AQP9: variants seen among roughly 807,000 people sequenced by gnomAD.
AQP9 encodes the protein aquaporin-9.
Under a neutral mutation model 23.8 loss-of-function variants are expected in AQP9, and 19 were observed. That is an observed-to-expected ratio of 0.80 (90% confidence interval 0.56 to 1.17). The LOEUF is 1.17. Among genes scored for constraint, AQP9 ranks in the 50% most tolerant of loss-of-function variants. The probability of loss-of-function intolerance (pLI) is 0.00; values close to 1 mark genes in which losing one functional copy is unlikely to be tolerated. For missense variants in AQP9, 413 were observed against 362.0 expected (o/e 1.14, Z -1.14); for synonymous variants, 153 against 131.5 (o/e 1.16, Z -1.12).
intron 1 of AQP9, among the ~76,000 whole-genome samples, chr15:58,165,311 T>C (rs1898474252): frequency 6.6e-6 from 1 of 152,204 alleles, no homozygotes; most frequent in Admixed American, 6.6e-5. Flanking sequence ...ATTTCTTCAA[T>C]GGACTGTGAT....
chr15:58,147,905 C>CACATAT (rs1898078043), intron 1 of AQP9, among the ~76,000 whole-genome samples: 1 of 152,000 alleles, frequency 6.6e-6, no homozygotes, highest in South Asian at 2.1e-4. Context: ...CACACACACA[C>CACATAT]ACATATACAT....
At chr15:58,138,367 A>G, upstream of AQP9, 1 of 476,038 alleles carries the variant, frequency 2.1e-6, no homozygotes, top group Non-Finnish European at 3.8e-6. Flanking sequence ...AGCAGCGAAC[A>G]GGGAATGACA....
intron 4 of AQP9, among the ~76,000 whole-genome samples, chr15:58,176,650 C>T (rs1898762409): frequency 6.7e-6 from 1 of 149,844 alleles, no homozygotes; most frequent in Non-Finnish European, 1.5e-5. Context: ...GAGCCTGTTG[C>T]CCCAGGCTGG....
intron 1 of AQP9, among the ~76,000 whole-genome samples, chr15:58,139,334 C>T (rs762943521): frequency 2.6e-5 from 4 of 152,100 alleles, no homozygotes; most frequent in Admixed American, 1.3e-4. Flanking sequence ...AAACGAGGGA[C>T]GACTTCTAAG....
chr15:58,175,058 A>G (rs775149759), intron 4 of AQP9, 22 bp downstream of exon 4: 2 of 1,574,252 alleles, frequency 1.3e-6, no homozygotes, highest in South Asian at 1.1e-5. Flanking sequence ...TTCAACAAAG[A>G]CTTAACTTTG....
At chr15:58,143,346 C>A (rs943733513) in intron 1 of AQP9, among the ~76,000 whole-genome samples, 1 of 152,118 alleles carries the variant, frequency 6.6e-6, no homozygotes, top group Non-Finnish European at 1.5e-5. Context: ...CAAGAGAGGG[C>A]AAAGGAGGTT....
chr15:58,176,616 CTTT>C lies in AQP9; in HGVS notation c.495+1595_495+1597del, dbSNP rs11296169. Among the ~76,000 whole-genome samples the C allele has an allele frequency of 9.7e-3, 1,316 of 135,416 alleles. 21 individuals are homozygous for C. Among genetic ancestry groups the C allele is most frequent in the African/African-American group, 0.033 (1,208 of 36,454 alleles). The allele number at this position is 135,416 out of a possible 152,430, so 88.8% of individuals were successfully genotyped here. A position where few individuals can be genotyped will look rare whatever the true frequency, so the allele number is the denominator to read the frequency against. Reference sequence around the variant, plus strand: ...GGTTATTTTGGTGTTTTTCTCTAAGCTTTTTTTTTTTTTTTTTAAGACTGAGCC... The same window carrying C: ...GGTTATTTTGGTGTTTTTCTCTAAGCTTTTTTTTTTTTTTAAGACTGAGCC... On this transcript the variant is annotated intron_variant, in intron 4 of 5. Coordinates refer to ENST00000219919, the MANE Select transcript of AQP9 (RefSeq NM_020980.5).
chr15:58,156,491 C>G (rs1898261975), intron 1 of AQP9, among the ~76,000 whole-genome samples: 1 of 152,144 alleles, frequency 6.6e-6, no homozygotes, highest in African/African-American at 2.4e-5. Context: ...ACTAAAAATC[C>G]TTAACATTAC....
chr15:58,182,803 G>A (rs1898922485), intron 5 of AQP9, among the ~76,000 whole-genome samples: 3 of 152,102 alleles, frequency 2.0e-5, no homozygotes, highest in Admixed American at 2.0e-4. Context: ...GGAGGACTTC[G>A]GAGACCACTT....
At chr15:58,180,007 C>T (rs2899619) in intron 5 of AQP9, among the ~76,000 whole-genome samples, 72,907 of 151,936 alleles carry the variant, frequency 0.48, 18,198 homozygotes, top group Admixed American at 0.6. Flanking sequence ...ACAGGACAGA[C>T]GTAAGATTGA....
At chr15:58,181,828 A>G (rs1898894799) in intron 5 of AQP9, among the ~76,000 whole-genome samples, 1 of 152,160 alleles carries the variant, frequency 6.6e-6, no homozygotes, top group Admixed American at 6.5e-5. Flanking sequence ...ACCCATTAGG[A>G]AAGAGCAGGG....
chr15:58,170,969 G>A (rs983936114), intron 2 of AQP9, among the ~76,000 whole-genome samples: 3 of 152,056 alleles, frequency 2.0e-5, no homozygotes, highest in Admixed American at 6.5e-5. Flanking sequence ...TTGTCGCCCA[G>A]GCTGGAGTGC....
intron 5 of AQP9, among the ~76,000 whole-genome samples, chr15:58,182,573 T>G (rs1461703678): frequency 1.3e-5 from 2 of 152,140 alleles, no homozygotes; most frequent in African/African-American, 4.8e-5. Context: ...TCCCTTCATG[T>G]TTTGACCTCT....
At chr15:58,183,231 TA>T (rs1432196544) in intron 5 of AQP9, among the ~76,000 whole-genome samples, 1 of 152,224 alleles carries the variant, frequency 6.6e-6, no homozygotes, top group Admixed American at 6.5e-5. Flanking sequence ...ATATACTGTA[TA>T]ATTTGTTTGC....
intron 5 of AQP9, among the ~76,000 whole-genome samples, chr15:58,180,643 A>G (rs1399604330): frequency 4.6e-5 from 7 of 152,200 alleles, no homozygotes; most frequent in African/African-American, 1.4e-4. Context: ...CAATCCAATA[A>G]ATTTCCTAGA....
Position 58,185,683 on chromosome 15 carries a change from G to A in AQP9, c.*1548G>A, listed in dbSNP as rs1242642179. The A allele has an allele frequency of 6.6e-6, 1 of 152,176 alleles. No individual in the cohort carries two copies. Among genetic ancestry groups the A allele is most frequent in the Non-Finnish European group, 1.5e-5 (1 of 68,048 alleles). 9.4% of individuals were successfully genotyped at this position (152,176 alleles called of 1,614,324 possible). ...CTATGAGTTACAAGCACCAGGGGAT[G>A]CTCTACATCAAGGGATGCACCTTCA... On this transcript the variant is annotated 3_prime_UTR_variant, in exon 6 of 6. Coordinates refer to ENST00000219919, the MANE Select transcript of AQP9 (RefSeq NM_020980.5).
chr15:58,146,176 T>C (rs1898040363), intron 1 of AQP9, among the ~76,000 whole-genome samples: 1 of 152,212 alleles, frequency 6.6e-6, no homozygotes. Flanking sequence ...AATTTTCCTC[T>C]TTATTACCTT....
chr15:58,162,133 G>A (rs1484180921), intron 1 of AQP9, among the ~76,000 whole-genome samples: 2 of 152,208 alleles, frequency 1.3e-5, no homozygotes, highest in African/African-American at 4.8e-5. Context: ...TAATTACCGT[G>A]TCATAATGTG....
chr15:58,175,108 A>T, intron 4 of AQP9, 72 bp downstream of exon 4: 1 of 1,297,416 alleles, frequency 7.7e-7, no homozygotes. Flanking sequence ...GCATTGGAGA[A>T]TTAGAGACCA....
Sources: gnomAD v4.1 joint callset for allele counts (sites outside exome capture counted in the v4.1 genomes callset) on GRCh38, gnomAD v4.1.1 for gene constraint, MANE v1.5 for transcripts, NCBI Gene and HGNC (gene_info 2026-07-23, HGNC 2026-07-21) for gene names.